FMO2: variants seen among roughly 807,000 people sequenced by gnomAD.
The protein encoded by FMO2 is flavin-containing monooxygenase 2.
FMO2 carries 33 observed loss-of-function variants against 41.6 expected under a neutral mutation model. The observed-to-expected ratio is 0.79, with a 90% CI of 0.60 to 1.06. The LOEUF (loss-of-function observed/expected upper bound fraction) is 1.06, where lower values mean the gene tolerates loss of function less well. FMO2 is among the 50% of genes least tolerant of loss of function. The pLI, the probability that FMO2 is intolerant of heterozygous loss-of-function variation, is 0.00. For synonymous variants in FMO2, 214 were observed against 219.6 expected (o/e 0.97, Z 0.23); for missense variants, 619 against 632.9 (o/e 0.98, Z 0.23).
intron 2 of FMO2, among the ~76,000 whole-genome samples, chr1:171,188,362 C>T (rs934619839): frequency 6.6e-6 from 1 of 152,080 alleles, no homozygotes; most frequent in African/African-American, 2.4e-5. Flanking sequence ...TGGATTAAAA[C>T]CTGATTAATT....
intron 5 of FMO2, 116 bp downstream of exon 5, chr1:171,199,604 G>A (rs917458671): frequency 1.4e-4 from 128 of 915,804 alleles, no homozygotes; most frequent in East Asian, 4.5e-4. Context: ...GGTTGGTAGC[G>A]CATTGTGGCA....
intron 4 of FMO2, among the ~76,000 whole-genome samples, chr1:171,197,340 C>T (rs376624925): frequency 1.3e-5 from 2 of 152,144 alleles, no homozygotes; most frequent in Admixed American, 6.5e-5. Context: ...GGTTCATAGT[C>T]CAGGCCTCAT....
intron 1 of FMO2, 160 bp from the exon 2 acceptor site, chr1:171,185,548 C>T: frequency 1.5e-6 from 1 of 649,474 alleles, no homozygotes; most frequent in Non-Finnish European, 2.6e-6. Context: ...TTCTCAAAGG[C>T]AAGAAGAGAG....
Position 171,205,305 on chromosome 1 carries a change from A to G in FMO2, c.854A>G (p.Asn285Ser). 6.2e-7 allele frequency: 1 copy of G among 1,612,226 alleles called. No individual in the cohort carries two copies. The highest frequency in any genetic ancestry group is 8.5e-7 in the Non-Finnish European group (1 of 1,178,622). ...TACATTATGAAGGAACCTGTACTAA[A>G]TGATGATGTCCCAAGTCGTCTACTC... is the stretch of plus-strand genomic sequence containing the variant. ...NKYIMKEPVL[N>S]DDVPSRLLCG... The change falls in exon 7 of 9, where the codon AAT (asparagine) becomes AGT (serine). Residue 285 changes from asparagine (N) to serine (S), a missense_variant. Coordinates refer to ENST00000209929, the MANE Select transcript of FMO2 (RefSeq NM_001460.5).
intron 2 of FMO2, among the ~76,000 whole-genome samples, chr1:171,192,765 CAAAAAAA>C (rs71561558): frequency 6.9e-4 from 77 of 111,552 alleles, no homozygotes; most frequent in South Asian, 3.4e-3. Flanking sequence ...GACTCTGTCT[CAAAAAAA>C]AAAAAAAAAA....
intron 3 of FMO2, among the ~76,000 whole-genome samples, chr1:171,195,861 G>A (rs2101991719): frequency 6.6e-6 from 1 of 152,332 alleles, no homozygotes; most frequent in African/African-American, 2.4e-5. Context: ...TTGCTCACAT[G>A]ATGTACTCTG....
chr1:171,202,255 GGAAA>G (rs1308226261), intron 5 of FMO2, among the ~76,000 whole-genome samples: 1 of 152,086 alleles, frequency 6.6e-6, no homozygotes, highest in Non-Finnish European at 1.5e-5. Flanking sequence ...AGTAAGTAAT[GGAAA>G]GAGACACTAA....
chr1:171,204,210 A>C (rs571212489), intron 6 of FMO2, 146 bp downstream of exon 6: 1 of 634,942 alleles, frequency 1.6e-6, no homozygotes, highest in East Asian at 2.7e-5. Flanking sequence ...CCTGGAGTTT[A>C]GCTTCTAAAT....
In FMO2 at chr1:171,196,616, T is replaced by C. The variant is rs748348731; in HGVS notation, c.322-33T>C. 2.5e-6 allele frequency: 4 copies of C among 1,603,876 alleles called. No homozygotes were observed. The Admixed American group carries it at 6.7e-5, about 27-fold the overall frequency. ...CTTGGCCAATGTTATCCTGGAGTAA[T>C]TCTCAATGATGCCTTCTCTGTGTTT... On this transcript the variant is annotated intron_variant, in intron 3 of 8. Coordinates refer to ENST00000209929, the MANE Select transcript of FMO2 (RefSeq NM_001460.5).
Position 171,209,553 on chromosome 1 carries a change from G to A in FMO2, c.*408G>A, listed in dbSNP as rs1658900708. The A allele has an allele frequency of 6.5e-6, 1 of 153,848 alleles. No homozygotes were observed. Among genetic ancestry groups the A allele is most frequent in the Admixed American group, 6.5e-5 (1 of 15,294 alleles). 9.5% of individuals were successfully genotyped at this position (153,848 alleles called of 1,614,324 possible). A position where few individuals can be genotyped will look rare whatever the true frequency, so the allele number is the denominator to read the frequency against. Reference sequence around the variant, plus strand: ...AAAACTCCTGAACAATGTTTCTGATGGTCTTCTATCCACCCTACTTGGTAA... The same window carrying A: ...AAAACTCCTGAACAATGTTTCTGATAGTCTTCTATCCACCCTACTTGGTAA... On this transcript the variant is annotated 3_prime_UTR_variant, in exon 9 of 9. Coordinates refer to ENST00000209929, the MANE Select transcript of FMO2 (RefSeq NM_001460.5).
chr1:171,188,724 C>CA (rs1409184974), intron 2 of FMO2, among the ~76,000 whole-genome samples: 5 of 152,162 alleles, frequency 3.3e-5, no homozygotes, highest in African/African-American at 1.2e-4. Flanking sequence ...TGTATTTACA[C>CA]AACTCCTACT....
At chr1:171,208,668 G>A (rs908187639) in intron 8 of FMO2, 126 bp from the exon 9 acceptor site, 2 of 848,134 alleles carry the variant, frequency 2.4e-6, no homozygotes, top group Middle Eastern at 2.3e-4. Flanking sequence ...CTTTCCACCA[G>A]AGATTCATTG....
intron 2 of FMO2, chr1:171,188,918 G>A (rs1317214329): frequency 6.6e-6 from 1 of 152,158 alleles, no homozygotes; most frequent in Non-Finnish European, 1.5e-5. Flanking sequence ...TTCCAGCAAC[G>A]GGAAGCACTT....
At chr1:171,192,867 A>C (rs1369959131) in intron 2 of FMO2, among the ~76,000 whole-genome samples, 1 of 152,086 alleles carries the variant, frequency 6.6e-6, no homozygotes, top group Admixed American at 6.6e-5. Flanking sequence ...CAAAATTTGC[A>C]AACTCCCTTC....
chr1:171,190,943 C>T (rs779534016), intron 2 of FMO2, among the ~76,000 whole-genome samples: 1 of 151,970 alleles, frequency 6.6e-6, no homozygotes, highest in Non-Finnish European at 1.5e-5. Context: ...GTCGGGAGTT[C>T]GAGACCAGCC....
chr1:171,204,359 G>A (rs1411846351), intron 6 of FMO2, among the ~76,000 whole-genome samples: 2 of 152,132 alleles, frequency 1.3e-5, no homozygotes, highest in East Asian at 1.9e-4. Context: ...AAGAGATTAC[G>A]ACCTGCCTTT....
At position 171,211,258 on chromosome 1, in the gene FMO2, T is replaced by C. The variant is rs945201651; in HGVS notation, c.*2113T>C. On this transcript the variant is annotated 3_prime_UTR_variant, in exon 9 of 9. Coordinates refer to ENST00000209929, the MANE Select transcript of FMO2 (RefSeq NM_001460.5). ...CAGCCACACTCATTCATTTATTTTC[T>C]GTGGTTGCTTTCAAGCTACAATTGT... 1 of 152,246 alleles carries C rather than the reference T, an allele frequency of 6.6e-6. No homozygotes were observed. The highest frequency in any genetic ancestry group is 1.5e-5 in the Non-Finnish European group (1 of 68,046). 9.4% of individuals were successfully genotyped at this position (152,246 alleles called of 1,614,324 possible). A position where few individuals can be genotyped will look rare whatever the true frequency, so the allele number is the denominator to read the frequency against.
chr1:171,200,942 T>A (rs1313053393), intron 5 of FMO2, among the ~76,000 whole-genome samples: 1 of 152,164 alleles, frequency 6.6e-6, no homozygotes, highest in Non-Finnish European at 1.5e-5. Context: ...TGAAGATCCA[T>A]CCTAGACTAC....
chr1:171,190,589 T>C (rs1658037708), intron 2 of FMO2, among the ~76,000 whole-genome samples: 1 of 152,334 alleles, frequency 6.6e-6, no homozygotes, highest in African/African-American at 2.4e-5. Flanking sequence ...ATAAGCACCA[T>C]AAAGATATAA....
Sources: allele counts gnomAD v4.1 joint callset (sites outside exome capture counted in the v4.1 genomes callset), GRCh38; gene constraint gnomAD v4.1.1; transcripts MANE v1.5; gene names NCBI Gene and HGNC (gene_info 2026-07-23, HGNC 2026-07-21).